Variants in IL6R observed in about 807,000 individuals in gnomAD.
IL6R encodes the protein interleukin-6 receptor subunit alpha.
Under a neutral mutation model 48.3 loss-of-function variants are expected in IL6R, and 38 were observed. The observed-to-expected ratio is 0.79, with a 90% CI of 0.61 to 1.03. IL6R has a LOEUF of 1.03. Among genes scored for constraint, IL6R ranks in the 50% least tolerant of loss-of-function variants. The pLI is 0.00. For synonymous variants in IL6R, 264 were observed against 256.2 expected, an observed-to-expected ratio of 1.03 and a Z score of -0.29; for missense variants, 534 against 618.3, an observed-to-expected ratio of 0.86 and a Z score of 1.45.
chr1:154,434,125 C>T (rs1689471397), intron 3 of IL6R, among the ~76,000 whole-genome samples: 1 of 151,764 alleles, frequency 6.6e-6, no homozygotes, highest in Admixed American at 6.6e-5. Context: ...CTGAGGTCAG[C>T]AGTTCGAGAC....
At chr1:154,458,671 C>T (rs1248708866) in intron 9 of IL6R, among the ~76,000 whole-genome samples, 2 of 152,158 alleles carry the variant, frequency 1.3e-5, no homozygotes, top group African/African-American at 4.8e-5. Context: ...GAGGCCAAGG[C>T]AAGTGGATCA....
intron 1 of IL6R, among the ~76,000 whole-genome samples, chr1:154,411,527 G>A (rs1558296964): frequency 1.3e-5 from 2 of 152,056 alleles, no homozygotes; most frequent in South Asian, 2.1e-4. Context: ...ATATGCCTTT[G>A]GTCAGTGGAA....
At chr1:154,427,688 T>C (rs1282631192) in intron 1 of IL6R, among the ~76,000 whole-genome samples, 1 of 152,114 alleles carries the variant, frequency 6.6e-6, no homozygotes, top group Non-Finnish European at 1.5e-5. Context: ...TTGATGTCTA[T>C]GTCTCTGTCC....
chr1:154,445,619 G>A (rs1326160705), intron 6 of IL6R, among the ~76,000 whole-genome samples: 2 of 152,050 alleles, frequency 1.3e-5, no homozygotes, highest in South Asian at 2.1e-4. Flanking sequence ...GTGTGGTGGT[G>A]GGCGCCTGTA....
chr1:154,457,951 TTTTC>T (rs1448339399), intron 9 of IL6R, among the ~76,000 whole-genome samples: 2 of 90,836 alleles, frequency 2.2e-5, no homozygotes, highest in Non-Finnish European at 4.4e-5. Flanking sequence ...CTTTTTTTCT[TTTTC>T]TTTTTCTTTT....
intron 1 of IL6R, chr1:154,418,315 G>GT (rs1235629670): frequency 9.9e-5 from 53 of 533,446 alleles, no homozygotes; most frequent in Admixed American, 1.3e-4. Context: ...ACGCGCACGT[G>GT]GGTCTCTGAG....
intron 2 of IL6R, among the ~76,000 whole-genome samples, chr1:154,430,204 A>C (rs1689210730): frequency 6.6e-6 from 1 of 152,014 alleles, no homozygotes. Flanking sequence ...TTTTTCGATC[A>C]TCCTCTCTCC....
chr1:154,425,246 C>T (rs1688899738), intron 1 of IL6R, among the ~76,000 whole-genome samples: 1 of 152,082 alleles, frequency 6.6e-6, no homozygotes, highest in Non-Finnish European at 1.5e-5. Context: ...GGGTGGTCTC[C>T]TCCCTTAGTG....
At chr1:154,454,256 A>C in intron 8 of IL6R, 4 of 543,250 alleles carry the variant, frequency 7.4e-6, no homozygotes, top group East Asian at 6.3e-5. Context: ...GAATCCTGGA[A>C]TCTAGAGTGG....
At chr1:154,458,666 C>T (rs1468967178) in intron 9 of IL6R, among the ~76,000 whole-genome samples, 2 of 152,120 alleles carry the variant, frequency 1.3e-5, no homozygotes, top group African/African-American at 4.8e-5. Flanking sequence ...TTTGGGAGGC[C>T]AAGGCAAGTG....
At chr1:154,427,344 C>A (rs1428806396) in intron 1 of IL6R, among the ~76,000 whole-genome samples, 1 of 152,170 alleles carries the variant, frequency 6.6e-6, no homozygotes, top group Non-Finnish European at 1.5e-5. Flanking sequence ...CAGTGCCTGG[C>A]TGCTGCAGCC....
At chr1:154,414,643 A>G (rs892664637) in intron 1 of IL6R, 21 of 830,186 alleles carry the variant, frequency 2.5e-5, no homozygotes, top group Admixed American at 1.4e-4. Flanking sequence ...GTCGATGAAG[A>G]CGGTGTAGCT....
At chr1:154,420,068 T>C (rs1688567352) in intron 1 of IL6R, among the ~76,000 whole-genome samples, 1 of 151,924 alleles carries the variant, frequency 6.6e-6, no homozygotes, top group Non-Finnish European at 1.5e-5. Flanking sequence ...TCTCTTTCCC[T>C]TGAGGAATGG....
intron 1 of IL6R, chr1:154,414,488 G>C (rs981156838): frequency 5.4e-6 from 5 of 924,826 alleles, no homozygotes; most frequent in Non-Finnish European, 8.7e-6. Context: ...GTTGGGGCCC[G>C]GGACCCACCC....
intron 1 of IL6R, among the ~76,000 whole-genome samples, chr1:154,428,868 T>G (rs1412715990): frequency 6.6e-6 from 1 of 151,954 alleles, no homozygotes; most frequent in Non-Finnish European, 1.5e-5. Context: ...TGGGGAGAGA[T>G]GAGGCCTCCA....
At chr1:154,437,416 AAT>A in intron 6 of IL6R, 1 of 351,412 alleles carries the variant, frequency 2.8e-6, no homozygotes, top group Non-Finnish European at 6.0e-6. Context: ...TTTTAACTTA[AAT>A]TTTTTTTTTT....
Position 154,443,300 on chromosome 1 carries a change from C to T in IL6R, c.950-4825C>T, listed in dbSNP as rs536924238. 2.6e-5 allele frequency among the ~76,000 whole-genome samples: 4 copies of T among 152,324 alleles called. No homozygotes were observed. In the South Asian group the frequency reaches 6.2e-4, roughly 24 times the overall value. ...ACGTTATCTTCTCAAACTCTTTGGC[C>T]ATCCATTCTGGAGGAGTTTGTTTTG... On this transcript the variant is annotated intron_variant, in intron 6 of 9. Transcript: ENST00000368485.
At chr1:154,413,202 A>G (rs555540980) in intron 1 of IL6R, among the ~76,000 whole-genome samples, 3 of 152,280 alleles carry the variant, frequency 2.0e-5, no homozygotes, top group African/African-American at 7.2e-5. Flanking sequence ...GGGTTTCACC[A>G]TGTTGGCCAG....
rs745879148 is a variant in IL6R at position 154,469,207 on chromosome 1, C to A, written c.*3827C>A. On this transcript the variant is annotated 3_prime_UTR_variant, in exon 10 of 10. Coordinates refer to ENST00000368485, the MANE Select transcript of IL6R (RefSeq NM_000565.4). Reference sequence around the variant, plus strand: ...ACAAGGCTGTTAATTAACAGAGAGACCTTATTGGATGGAGATCACATCTGT... The same window carrying A: ...ACAAGGCTGTTAATTAACAGAGAGAACTTATTGGATGGAGATCACATCTGT... 1.3e-5 allele frequency: 2 copies of A among 152,192 alleles called. No individual in the cohort carries two copies. The highest frequency in any genetic ancestry group is 6.5e-5 in the Admixed American group (1 of 15,280). The allele number at this position is 152,192 out of a possible 1,614,324, so 9.4% of individuals were successfully genotyped here. A position where few individuals can be genotyped will look rare whatever the true frequency, so the allele number is the denominator to read the frequency against.
Sources: gnomAD v4.1 joint callset for allele counts (sites outside exome capture counted in the v4.1 genomes callset) on GRCh38, gnomAD v4.1.1 for gene constraint, MANE v1.5 for transcripts, NCBI Gene and HGNC (gene_info 2026-07-23, HGNC 2026-07-21) for gene names.